The following SLC16A10 variants were observed in gnomAD, a reference collection of about 807,000 sequenced individuals.
SLC16A10 encodes the protein solute carrier family 16 member 10, also known as monocarboxylate transporter 10.
In SLC16A10, 27 loss-of-function variants were observed where a neutral mutation model predicts 40.0. The ratio of observed to expected loss-of-function variants is 0.67; its 90% confidence interval spans 0.50 to 0.93. The LOEUF (loss-of-function observed/expected upper bound fraction) is 0.93, where lower values mean the gene tolerates loss of function less well. SLC16A10 is among the 40% of genes least tolerant of loss of function. The probability of loss-of-function intolerance (pLI) is 0.00; values close to 1 mark genes in which losing one functional copy is unlikely to be tolerated. For synonymous variants in SLC16A10, 213 were observed against 249.8 expected (o/e 0.85, Z 1.39); for missense variants, 529 against 658.2 (o/e 0.80, Z 2.15).
Position 111,122,231 on chromosome 6 carries a change from A to G in SLC16A10, c.343+34136A>G, listed in dbSNP as rs144898751. ...ATATTGATGAGCAGCTGCTGGCATG[A>G]TGATTTGTCCTGACCCTGGACCGGA... On this transcript the variant is annotated intron_variant, in intron 1 of 5. Coordinates refer to ENST00000368851, the MANE Select transcript of SLC16A10 (RefSeq NM_018593.5). Among the ~76,000 whole-genome samples, 406 of 152,274 alleles carry G rather than the reference A, an allele frequency of 2.7e-3. 1 individual carries two copies. Among genetic ancestry groups the G allele is most frequent in the Non-Finnish European group, 4.5e-3 (304 of 68,022 alleles).
At chr6:111,134,473 A>G (rs1771841369) in intron 1 of SLC16A10, among the ~76,000 whole-genome samples, 2 of 152,172 alleles carry the variant, frequency 1.3e-5, no homozygotes, top group South Asian at 4.1e-4. Flanking sequence ...GCCCGGAGCA[A>G]AAGTTAGAAA....
intron 1 of SLC16A10, among the ~76,000 whole-genome samples, chr6:111,151,691 A>T (rs1583330310): frequency 6.6e-6 from 1 of 152,338 alleles, no homozygotes; most frequent in South Asian, 2.1e-4. Flanking sequence ...ATTTCTTGGG[A>T]TGACTGACAT....
chr6:111,115,573 C>T (rs933897313), intron 1 of SLC16A10, among the ~76,000 whole-genome samples: 1 of 152,208 alleles, frequency 6.6e-6, no homozygotes, highest in African/African-American at 2.4e-5. Context: ...TTATTTCTTG[C>T]TGTTAATAAG....
chr6:111,209,956 T>C (rs354544), intron 4 of SLC16A10, among the ~76,000 whole-genome samples: 75,695 of 151,852 alleles, frequency 0.5, 19,781 homozygotes, highest in East Asian at 0.7. Flanking sequence ...GGGGGGGTCT[T>C]AGGTTTTGAG....
chr6:111,137,438 C>A (rs9487589), intron 1 of SLC16A10, among the ~76,000 whole-genome samples: 1 of 151,998 alleles, frequency 6.6e-6, no homozygotes, highest in African/African-American at 2.4e-5. Flanking sequence ...CCCTGCACTT[C>A]AGGCCATGCA....
rs111976554 is a variant in SLC16A10, at chr6:111,158,834, T to A, written c.344-13861T>A. Among the ~76,000 whole-genome samples the A allele has an allele frequency of 2.6e-3, 389 of 152,048 alleles. 2 individuals are homozygous for A. Among genetic ancestry groups the A allele is most frequent in the African/African-American group, 8.9e-3 (368 of 41,466 alleles). On this transcript the variant is annotated intron_variant, in intron 1 of 5. Coordinates refer to ENST00000368851, the MANE Select transcript of SLC16A10 (RefSeq NM_018593.5). ...GTCACAGTGGCTCATGCCTGTAATG[T>A]CAACACTTTAGGAGGCCAAGGAGGA...
chr6:111,121,349 C>T (rs991673437), intron 1 of SLC16A10, among the ~76,000 whole-genome samples: 1 of 152,124 alleles, frequency 6.6e-6, no homozygotes, highest in Non-Finnish European at 1.5e-5. Context: ...GTTGCTTGAG[C>T]CCAGGAGTTC....
At chr6:111,100,767 G>A (rs765262547) in intron 1 of SLC16A10, among the ~76,000 whole-genome samples, 4 of 151,590 alleles carry the variant, frequency 2.6e-5, no homozygotes, top group South Asian at 2.1e-4. Flanking sequence ...CTCCTTAAGC[G>A]GTTTTATCAA....
At chr6:111,119,353 C>G (rs1463946051) in intron 1 of SLC16A10, among the ~76,000 whole-genome samples, 1 of 152,164 alleles carries the variant, frequency 6.6e-6, no homozygotes, top group Non-Finnish European at 1.5e-5. Flanking sequence ...TGCAGCTACT[C>G]AGCTTCATAC....
intron 1 of SLC16A10, among the ~76,000 whole-genome samples, chr6:111,150,849 C>T (rs1370748354): frequency 1.3e-5 from 2 of 152,186 alleles, no homozygotes; most frequent in African/African-American, 4.8e-5. Flanking sequence ...TCTACTCGTA[C>T]AATATTAGGA....
chr6:111,090,430 A>G (rs915769655), intron 1 of SLC16A10, among the ~76,000 whole-genome samples: 1 of 152,178 alleles, frequency 6.6e-6, no homozygotes, highest in Non-Finnish European at 1.5e-5. Context: ...ATGGCCCTGT[A>G]TAACACAGCA....
intron 1 of SLC16A10, among the ~76,000 whole-genome samples, chr6:111,127,621 T>G (rs1771699988): frequency 6.6e-6 from 1 of 152,162 alleles, no homozygotes; most frequent in South Asian, 2.1e-4. Context: ...CAACTAGTGG[T>G]GGCTGATCAG....
At chr6:111,169,538 G>A (rs1022997401) in intron 1 of SLC16A10, among the ~76,000 whole-genome samples, 3 of 152,262 alleles carry the variant, frequency 2.0e-5, no homozygotes, top group African/African-American at 7.2e-5. Flanking sequence ...GACAGCTAGG[G>A]TTGGTGTAAA....
chr6:111,097,740 C>T (rs1299156113), intron 1 of SLC16A10, among the ~76,000 whole-genome samples: 1 of 152,196 alleles, frequency 6.6e-6, no homozygotes, highest in Non-Finnish European at 1.5e-5. Flanking sequence ...AACTTCTGAT[C>T]TATGCCTCTT....
intron 1 of SLC16A10, among the ~76,000 whole-genome samples, chr6:111,118,408 G>C (rs2114471101): frequency 6.6e-6 from 1 of 152,298 alleles, no homozygotes; most frequent in South Asian, 2.1e-4. Flanking sequence ...TTGGCTGGGT[G>C]TGGTGGCTCA....
At chr6:111,092,828 T>A (rs1207863770) in intron 1 of SLC16A10, among the ~76,000 whole-genome samples, 1 of 150,256 alleles carries the variant, frequency 6.7e-6, no homozygotes, top group Non-Finnish European at 1.5e-5. Flanking sequence ...TCACCTGAGG[T>A]CAGGAGATTG....
intron 1 of SLC16A10, among the ~76,000 whole-genome samples, chr6:111,145,579 AT>A (rs1254256342): frequency 2.0e-4 from 31 of 152,318 alleles, no homozygotes; most frequent in African/African-American, 7.0e-4. Flanking sequence ...ATATAAAAAA[AT>A]AACTCAAAAT....
intron 1 of SLC16A10, among the ~76,000 whole-genome samples, chr6:111,092,642 C>G (rs914114781): frequency 2.3e-4 from 35 of 151,574 alleles, no homozygotes; most frequent in African/African-American, 8.2e-4. Flanking sequence ...TGAATTTTTA[C>G]CTGTTCACAT....
intron 3 of SLC16A10, among the ~76,000 whole-genome samples, chr6:111,179,744 G>A (rs1772755100): frequency 6.6e-6 from 1 of 152,078 alleles, no homozygotes; most frequent in Non-Finnish European, 1.5e-5. Context: ...CTTCTTCCAG[G>A]CATGTTTTCT....
Sources: allele counts gnomAD v4.1 joint callset (sites outside exome capture counted in the v4.1 genomes callset), GRCh38; gene constraint gnomAD v4.1.1; transcripts MANE v1.5; gene names NCBI Gene and HGNC (gene_info 2026-07-23, HGNC 2026-07-21).